The following SYTL5 variants were observed in gnomAD, a reference collection of about 807,000 sequenced individuals.
The protein encoded by SYTL5 is synaptotagmin-like protein 5.
In SYTL5, 34 loss-of-function variants were observed where a neutral mutation model predicts 55.9. That is an observed-to-expected ratio of 0.61 (90% CI 0.46 to 0.81). The LOEUF (loss-of-function observed/expected upper bound fraction) is 0.81, where lower values mean the gene tolerates loss of function less well. Ranked by LOEUF, SYTL5 falls within the 30% of genes least tolerant of loss-of-function variation. The pLI is 0.00. For synonymous variants in SYTL5, 221 were observed against 188.7 expected (o/e 1.17, Z -1.40); for missense variants, 637 against 546.7 (o/e 1.17, Z -1.65).
chrX:38,002,821 G>C, upstream of SYTL5, among the ~76,000 whole-genome samples: 1 of 111,588 alleles, frequency 9.0e-6, no homozygotes, highest in East Asian at 2.8e-4. Flanking sequence ...TAGGTTGCCT[G>C]TTCACTCTGA....
At chrX:38,050,797 TTC>T (rs2147285579) in intron 2 of SYTL5, among the ~76,000 whole-genome samples, 2 of 110,977 alleles carry the variant, frequency 1.8e-5, no homozygotes, top group South Asian at 7.6e-4. Context: ...TCATGGCATT[TTC>T]AGACCAGGAT....
intron 4 of SYTL5, among the ~76,000 whole-genome samples, chrX:38,073,134 C>T (rs745488723): frequency 8.9e-6 from 1 of 112,045 alleles, no homozygotes; most frequent in African/African-American, 3.2e-5. Flanking sequence ...ACTCAAACCC[C>T]AGTACCTTCC....
the SYTL5 span, among the ~76,000 whole-genome samples, chrX:37,919,287 G>A: frequency 9.0e-6 from 1 of 111,555 alleles, no homozygotes; most frequent in African/African-American, 3.2e-5. Flanking sequence ...TTGGCAAAGT[G>A]AGTAGCCAGG....
chrX:38,098,576 C>T (rs1043909923), intron 9 of SYTL5, among the ~76,000 whole-genome samples: 3 of 110,428 alleles, frequency 2.7e-5, no homozygotes, highest in East Asian at 2.8e-4. Context: ...GAAATTGGAA[C>T]CCCCCTACAT....
At chrX:38,089,668 T>C (rs1456443231) in intron 7 of SYTL5, 81 bp downstream of exon 7, 6 of 1,020,591 alleles carry the variant, frequency 5.9e-6, no homozygotes, top group Middle Eastern at 3.8e-4. Context: ...GGGTAATTTA[T>C]AAACAAAAGA....
At chrX:37,941,960 G>T in the SYTL5 span, among the ~76,000 whole-genome samples, 2 of 111,728 alleles carry the variant, frequency 1.8e-5, no homozygotes, top group Non-Finnish European at 3.8e-5. Flanking sequence ...CTGTGATTTT[G>T]ATTTTCTTGC....
At chrX:38,084,627 C>T (rs1936624755) in intron 6 of SYTL5, among the ~76,000 whole-genome samples, 1 of 111,085 alleles carries the variant, frequency 9.0e-6, no homozygotes, top group Admixed American at 9.5e-5. Context: ...CAGAGACTTC[C>T]GTGATGATCG....
At chrX:38,089,403 G>T (rs1476225042) in intron 6 of SYTL5, 43 bp from the exon 7 acceptor site, 2 of 1,174,719 alleles carry the variant, frequency 1.7e-6, no homozygotes, top group African/African-American at 3.5e-5. Flanking sequence ...TTTGGTTGCT[G>T]CTCTGCTTCC....
intron 3 of SYTL5, among the ~76,000 whole-genome samples, chrX:38,070,737 G>A (rs930816941): frequency 7.2e-5 from 8 of 111,361 alleles, no homozygotes; most frequent in African/African-American, 2.3e-4. Context: ...GCCCATAGAG[G>A]TTTTGGGACA....
the SYTL5 span, among the ~76,000 whole-genome samples, chrX:37,895,909 A>G: frequency 8.9e-6 from 1 of 112,334 alleles, no homozygotes; most frequent in Non-Finnish European, 1.9e-5. Flanking sequence ...AAGTGTATCA[A>G]AATTAAAATC....
At chrX:38,092,254 A>G (rs1936816414) in intron 7 of SYTL5, among the ~76,000 whole-genome samples, 1 of 111,959 alleles carries the variant, frequency 8.9e-6, no homozygotes, top group Non-Finnish European at 1.9e-5. Context: ...TAACATATAT[A>G]TAAGGGAGTT....
At chrX:38,054,113 A>C in intron 2 of SYTL5, 100 bp from the exon 3 acceptor site, 1 of 637,980 alleles carries the variant, frequency 1.6e-6, no homozygotes. Context: ...GCCTTATTTG[A>C]GGCAAATATT....
the SYTL5 span, among the ~76,000 whole-genome samples, chrX:37,948,146 C>A: frequency 9.0e-6 from 1 of 110,819 alleles, no homozygotes; most frequent in East Asian, 2.8e-4. Context: ...ACACTTATTT[C>A]ATTTAGATCC....
At chrX:38,125,574 A>G in intron 16 of SYTL5, 68 bp downstream of exon 16, 2 of 847,700 alleles carry the variant, frequency 2.4e-6, no homozygotes, top group Non-Finnish European at 3.5e-6. Flanking sequence ...ATTCTTGCAG[A>G]TGTGATGTGC....
At chrX:38,004,126 C>T (rs748521142), upstream of SYTL5, among the ~76,000 whole-genome samples, 1 of 111,690 alleles carries the variant, frequency 9.0e-6, no homozygotes, top group South Asian at 3.8e-4. Context: ...AATATTTTCT[C>T]CTGCTCTGTA....
the SYTL5 span, among the ~76,000 whole-genome samples, chrX:37,915,200 T>TA: frequency 0.015 from 1,625 of 111,627 alleles, 38 homozygotes; most frequent in African/African-American, 0.05. Flanking sequence ...GGTAAAATGG[T>TA]AGTGAGTAGG....
At chrX:38,106,958 G>C (rs1393236373) in intron 11 of SYTL5, among the ~76,000 whole-genome samples, 187 bp downstream of exon 11, 5 of 112,431 alleles carry the variant, frequency 4.4e-5, no homozygotes, top group Non-Finnish European at 9.4e-5. Context: ...TTGTGTCTTT[G>C]ATTAACTGAT....
At chrX:38,002,187 A>G (rs1933875083), upstream of SYTL5, among the ~76,000 whole-genome samples, 1 of 111,791 alleles carries the variant, frequency 8.9e-6, no homozygotes, top group African/African-American at 3.3e-5. Context: ...CCTACAAAGG[A>G]CATCAACTCA....
chrX:38,020,881 T>A (rs1332782816), intron 1 of SYTL5, among the ~76,000 whole-genome samples: 1 of 111,894 alleles, frequency 8.9e-6, no homozygotes, highest in Non-Finnish European at 1.9e-5. Flanking sequence ...GATATTAATA[T>A]GCCCATTTAA....
Sources: gnomAD v4.1 joint callset for allele counts (sites outside exome capture counted in the v4.1 genomes callset) on GRCh38, gnomAD v4.1.1 for gene constraint, MANE v1.5 for transcripts, NCBI Gene and HGNC (gene_info 2026-07-23, HGNC 2026-07-21) for gene names.